The following DDIT3 variants were observed in gnomAD, a reference collection of about 807,000 sequenced individuals.
DDIT3 encodes the protein DNA damage-inducible transcript 3 protein.
In DDIT3, 14 loss-of-function variants were observed where a neutral mutation model predicts 17.6. The ratio of observed to expected loss-of-function variants is 0.80; its 90% CI spans 0.53 to 1.25. DDIT3 has a LOEUF of 1.25. Among genes scored for constraint, DDIT3 ranks in the 50% most tolerant of loss-of-function variants. DDIT3 has a pLI of 0.00. For synonymous variants in DDIT3, 93 were observed against 76.5 expected, an observed-to-expected ratio of 1.22 and a Z score of -1.13; for missense variants, 216 against 202.7, an observed-to-expected ratio of 1.07 and a Z score of -0.40.
intron 1 of DDIT3, 143 bp downstream of exon 1, chr12:57,520,275 C>T (rs1442991892): frequency 5.0e-6 from 2 of 396,442 alleles, no homozygotes; most frequent in South Asian, 1.4e-4. Flanking sequence ...TTGTAAGCAC[C>T]ACCCCAGAAT....
intron 1 of DDIT3, 117 bp downstream of exon 1, chr12:57,520,301 T>G: frequency 2.5e-6 from 1 of 397,202 alleles, no homozygotes; most frequent in Non-Finnish European, 4.4e-6. Flanking sequence ...ACTCTCCCCA[T>G]TCCTCTCTCG....
intron 1 of DDIT3, among the ~76,000 whole-genome samples, chr12:57,518,264 G>C (rs1276339006): frequency 6.6e-6 from 1 of 152,124 alleles, no homozygotes; most frequent in Admixed American, 6.6e-5. Context: ...TTGTAGTCCT[G>C]GTTACATAAT....
At chr12:57,518,809 C>G (rs901512284) in intron 1 of DDIT3, among the ~76,000 whole-genome samples, 1 of 152,206 alleles carries the variant, frequency 6.6e-6, no homozygotes, top group East Asian at 1.9e-4. Flanking sequence ...CAGGCATGCA[C>G]TGCCATGCCC....
intron 1 of DDIT3, chr12:57,519,055 A>G: frequency 1.9e-6 from 1 of 525,986 alleles, no homozygotes; most frequent in Non-Finnish European, 3.8e-6. Context: ...TCAATTCACT[A>G]CCATCTCTAA....
intron 1 of DDIT3, among the ~76,000 whole-genome samples, chr12:57,518,741 C>A (rs748552867): frequency 8.5e-5 from 13 of 152,226 alleles, no homozygotes; most frequent in South Asian, 4.1e-4. Context: ...TCACTGCAAC[C>A]TCCGCCTGCT....
In DDIT3 at chr12:57,516,723, T is replaced by C. The variant is rs965875703; in HGVS notation, c.*86A>G. ...GTATGTGGGATTGAGGGTCACATCA[T>C]TGGCACTAGTGAGAGGGTAGTCAGT... is the stretch of plus-strand genomic sequence containing the variant. On this transcript the variant is annotated 3_prime_UTR_variant, in exon 4 of 4. Coordinates refer to ENST00000346473, the MANE Select transcript of DDIT3 (RefSeq NM_004083.6). The C allele has an allele frequency of 2.1e-5, 33 of 1,549,138 alleles. No homozygotes were observed. The African/African-American group carries it at 3.7e-4, about 17-fold the overall frequency.
rs765794198 is a variant in DDIT3, at chr12:57,516,629, A to T, written c.*180T>A. 6.1e-5 allele frequency: 93 copies of T among 1,535,426 alleles called. No homozygotes were observed. Among genetic ancestry groups the T allele is most frequent in the Non-Finnish European group, 7.2e-5 (83 of 1,146,510 alleles). ...CACTTTAATAGATAGGGACAGTAAT[A>T]AATAAATGTACAATCTCTATATACA... On this transcript the variant is annotated 3_prime_UTR_variant, in exon 4 of 4. Transcript: ENST00000346473.
At chr12:57,517,884 T>G (rs1565655182) in intron 1 of DDIT3, 131 bp from the exon 2 acceptor site, 1 of 414,490 alleles carries the variant, frequency 2.4e-6, no homozygotes, top group Non-Finnish European at 4.2e-6. Flanking sequence ...TGAAGTGCAG[T>G]GGTGCGATCT....
In DDIT3 at chr12:57,517,687, A is replaced by T; in HGVS notation, c.-33+19T>A. ...GTCCTGCCGTTTAAAATTTTTGGAA[A>T]AGGGTAGGTTAAGTTTACCTGCTTT... On this transcript the variant is annotated intron_variant, in intron 2 of 3. Transcript: ENST00000346473. 1 of 578,388 alleles carries T rather than the reference A, an allele frequency of 1.7e-6. No individual in the cohort carries two copies. The highest frequency in any genetic ancestry group is 2.8e-5 in the East Asian group (1 of 35,718). The allele number at this position is 578,388 out of a possible 1,614,324, so 35.8% of individuals were successfully genotyped here.
At chr12:57,520,043 G>T (rs962126587) in intron 1 of DDIT3, among the ~76,000 whole-genome samples, 1 of 152,246 alleles carries the variant, frequency 6.6e-6, no homozygotes, top group African/African-American at 2.4e-5. Flanking sequence ...GCGAAGCGGC[G>T]GAAACGGCCT....
rs1877882255 is a variant in DDIT3, at chr12:57,516,856, T to A, written c.463A>T (p.Thr155Ser). The change falls in exon 4 of 4, where the codon ACT becomes TCT. Residue 155 changes from threonine (T) to serine (S), a missense_variant. By Grantham distance (58) the Thr-to-Ser change is moderately conservative. Transcript: ENST00000346473. The part of the protein sequence containing the change: ...IERLTREVEA[T>S]RRALIDRMVN... ...ATTCGGTCAATCAGAGCTCGGCGAG[T>A]CGCCTCTACTTCCCTGGTCAGGCGC... 6.2e-7 allele frequency: 1 copy of A among 1,612,938 alleles called. No individual in the cohort carries two copies. The highest frequency in any genetic ancestry group is 1.7e-5 in the Admixed American group (1 of 59,980).
chr12:57,520,272 C>G (rs2140049400), intron 1 of DDIT3, 146 bp downstream of exon 1: 2 of 396,152 alleles, frequency 5.0e-6, no homozygotes, highest in East Asian at 7.1e-5. Flanking sequence ...GGTTTGTAAG[C>G]ACCACCCCAG....
intron 1 of DDIT3, among the ~76,000 whole-genome samples, chr12:57,518,439 C>G (rs550812489): frequency 6.6e-6 from 1 of 152,330 alleles, no homozygotes; most frequent in East Asian, 1.9e-4. Flanking sequence ...TGGACCTCTT[C>G]CAGAACTTCA....
chr12:57,519,918 TCCCCTATCCGCTG>T (rs1435647369), intron 1 of DDIT3, among the ~76,000 whole-genome samples: 1 of 152,150 alleles, frequency 6.6e-6, no homozygotes, highest in Admixed American at 6.5e-5. Context: ...TCCTCAAGGT[TCCCCTATCCGCTG>T]CAGGGTCCAG....
chr12:57,517,338 C>T lies in DDIT3; in HGVS notation c.69G>A (p.Glu23=), dbSNP rs1243158461. ...CTGAAGACAGGACCTCTTGCAGGTC[C>T]TCATACCAGGCTTCCAGCTCCCAGC... The part of the protein sequence containing the change: ...LSSWELEAWY[E]DLQEVLSSDE... Residue 23 remains glutamate (E), a synonymous_variant, in exon 3 of 4, where the codon GAG becomes GAA. Transcript: ENST00000346473. The T allele has an allele frequency of 2.5e-6, 4 of 1,613,978 alleles. No homozygotes were observed. Among genetic ancestry groups the T allele is most frequent in the South Asian group, 2.2e-5 (2 of 91,076 alleles).
intron 1 of DDIT3, among the ~76,000 whole-genome samples, 185 bp from the exon 2 acceptor site, chr12:57,517,938 TGCCTCG>T: frequency 6.6e-6 from 1 of 152,230 alleles, no homozygotes; most frequent in Admixed American, 6.5e-5. Flanking sequence ...GTGATTCTTC[TGCCTCG>T]GCCTCCCGAG....
chr12:57,517,325 C>A lies in DDIT3; in HGVS notation c.82G>T (p.Val28Phe). 1 of 1,614,104 alleles carries A rather than the reference C, an allele frequency of 6.2e-7. No homozygotes were observed. The highest frequency in any genetic ancestry group is 8.5e-7 in the Non-Finnish European group (1 of 1,180,030). The stretch of plus-strand genomic sequence containing the variant: ...CCCCCATTTTCATCTGAAGACAGGA[C>A]CTCTTGCAGGTCCTCATACCAGGCT... ...LEAWYEDLQEVLSSDENGGTY... is the reference protein window; with the variant it reads ...LEAWYEDLQEFLSSDENGGTY... The change falls in exon 3 of 4, where the codon GTC becomes TTC. Residue 28 changes from valine to phenylalanine, a missense_variant. Coordinates refer to ENST00000346473, the MANE Select transcript of DDIT3 (RefSeq NM_004083.6).
chr12:57,519,882 C>T (rs1267521963), intron 1 of DDIT3, among the ~76,000 whole-genome samples: 1 of 152,242 alleles, frequency 6.6e-6, no homozygotes, highest in Admixed American at 6.5e-5. Context: ...CCCTGTCCAT[C>T]GGCACCCCTC....
intron 2 of DDIT3, 121 bp from the exon 3 acceptor site, chr12:57,517,559 T>G (rs2140042417): frequency 9.8e-7 from 1 of 1,024,962 alleles, no homozygotes; most frequent in Admixed American, 2.0e-5. Context: ...TACAGCCACA[T>G]CTGTTTATTT....
Sources: allele counts gnomAD v4.1 joint callset (sites outside exome capture counted in the v4.1 genomes callset), GRCh38; gene constraint gnomAD v4.1.1; transcripts MANE v1.5; gene names NCBI Gene and HGNC (gene_info 2026-07-23, HGNC 2026-07-21).